The following MECOM variants were observed in gnomAD, a reference collection of about 807,000 sequenced individuals.
MECOM encodes the protein MDS1 and EVI1 complex locus.
In MECOM, 13 loss-of-function variants were observed where a neutral mutation model predicts 116.3. That is an observed-to-expected ratio of 0.11 (90% CI 0.07 to 0.18). The LOEUF is 0.18. MECOM is among the 10% of genes least tolerant of loss of function. The probability of loss-of-function intolerance (pLI) is 1.00; values close to 1 mark genes in which losing one functional copy is unlikely to be tolerated. For missense variants in MECOM, 1,299 were observed against 1,509.0 expected (o/e 0.86, Z 2.31); for synonymous variants, 528 against 535.2 (o/e 0.99, Z 0.19).
chr3:169,550,706 A>G (rs1398993528), intron 1 of MECOM, among the ~76,000 whole-genome samples: 2 of 152,206 alleles, frequency 1.3e-5, no homozygotes, highest in African/African-American at 4.8e-5. Context: ...TTTTATGATT[A>G]CCTAGACCCC....
intron 1 of MECOM, among the ~76,000 whole-genome samples, chr3:169,449,130 A>T (rs1015949865): frequency 6.6e-6 from 1 of 152,286 alleles, no homozygotes; most frequent in Non-Finnish European, 1.5e-5. Context: ...ATGGAGCACA[A>T]ATGAAGCATA....
At chr3:169,516,741 T>C (rs16853935) in intron 1 of MECOM, among the ~76,000 whole-genome samples, 17,423 of 152,172 alleles carry the variant, frequency 0.11, 1,076 homozygotes, top group African/African-American at 0.12. Context: ...AATAGTTTTA[T>C]CTGTGTTTCC....
Position 169,240,404 on chromosome 3 carries a change from A to G in MECOM, c.376-96572T>C, listed in dbSNP as rs558513515. Among the ~76,000 whole-genome samples the G allele has an allele frequency of 1.7e-3, 258 of 152,320 alleles. 2 individuals are homozygous for G. The highest frequency in any genetic ancestry group is 6.0e-3 in the African/African-American group (248 of 41,574). ...AAATTCATTTGATGGAACTTTTTAT[A>G]GACTGTGTTTTTGAATTCATGATTA... On this transcript the variant is annotated intron_variant, in intron 2 of 16. Transcript: ENST00000651503.
At chr3:169,163,628 C>T (rs1743159393) in intron 2 of MECOM, among the ~76,000 whole-genome samples, 1 of 152,012 alleles carries the variant, frequency 6.6e-6, no homozygotes, top group South Asian at 2.1e-4. Context: ...CCAAAGTCAC[C>T]CAACTGGTAG....
At chr3:169,313,696 T>A (rs1329808297) in intron 2 of MECOM, among the ~76,000 whole-genome samples, 1 of 152,182 alleles carries the variant, frequency 6.6e-6, no homozygotes, top group Non-Finnish European at 1.5e-5. Flanking sequence ...TATTATCAGC[T>A]GACAGTGAAG....
At chr3:169,482,917 A>G (rs1293712376) in intron 1 of MECOM, among the ~76,000 whole-genome samples, 1 of 152,218 alleles carries the variant, frequency 6.6e-6, no homozygotes. Context: ...AAAAGTACAT[A>G]ACAATACATA....
chr3:169,557,895 G>A (rs553407703), intron 1 of MECOM, among the ~76,000 whole-genome samples: 3 of 152,258 alleles, frequency 2.0e-5, no homozygotes, highest in African/African-American at 2.4e-5. Flanking sequence ...AACTAGAAAG[G>A]CTTTCAATTA....
intron 1 of MECOM, among the ~76,000 whole-genome samples, chr3:169,417,263 A>G (rs1216899688): frequency 1.3e-5 from 2 of 149,774 alleles, no homozygotes; most frequent in African/African-American, 4.9e-5. Flanking sequence ...ATTTACAAGA[A>G]AAAAACAAAC....
chr3:169,500,002 T>C (rs1754340474), intron 1 of MECOM, among the ~76,000 whole-genome samples: 1 of 152,218 alleles, frequency 6.6e-6, no homozygotes, highest in South Asian at 2.1e-4. Flanking sequence ...TCTTGCTTTA[T>C]AGTCACTTAT....
chr3:169,342,658 T>C (rs993136921), intron 2 of MECOM, among the ~76,000 whole-genome samples: 2 of 152,204 alleles, frequency 1.3e-5, no homozygotes, highest in Admixed American at 6.5e-5. Context: ...TTTCCTCTAA[T>C]AATTGTTGCT....
At position 169,483,350 on chromosome 3, in the gene MECOM, T is replaced by A. The variant is rs541024861; in HGVS notation, c.38-101826A>T. ...CATTGAGAAAAGCAACAGATACAACTGACAGTCACACTTTTTAAAATCAAA... is the reference window on the plus strand; with the variant it reads ...CATTGAGAAAAGCAACAGATACAACAGACAGTCACACTTTTTAAAATCAAA... On this transcript the variant is annotated intron_variant, in intron 1 of 16. Transcript: ENST00000651503. Among the ~76,000 whole-genome samples, 19 of 151,274 alleles carry A rather than the reference T, an allele frequency of 1.3e-4. 1 individual carries two copies. Among genetic ancestry groups the A allele is most frequent in the African/African-American group, 4.6e-4 (19 of 41,198 alleles).
chr3:169,604,226 T>C (rs1481108640), intron 1 of MECOM, among the ~76,000 whole-genome samples: 1 of 149,834 alleles, frequency 6.7e-6, no homozygotes, highest in Admixed American at 6.6e-5. Flanking sequence ...GAGAAATCTC[T>C]CTCTCTCTCT....
chr3:169,204,230 T>C (rs1291152385), intron 2 of MECOM, among the ~76,000 whole-genome samples: 1 of 152,208 alleles, frequency 6.6e-6, no homozygotes. Context: ...AACAATTCTG[T>C]CTTTATGTTT....
chr3:169,545,273 T>A (rs778987052), intron 1 of MECOM, among the ~76,000 whole-genome samples: 19 of 152,298 alleles, frequency 1.2e-4, no homozygotes, highest in Admixed American at 7.2e-4. Context: ...CTCTGCTACA[T>A]GGCTTAGATT....
intron 2 of MECOM, among the ~76,000 whole-genome samples, chr3:169,182,599 A>T (rs1056369248): frequency 2.0e-5 from 3 of 152,216 alleles, no homozygotes; most frequent in African/African-American, 7.2e-5. Flanking sequence ...GATTAAGCAC[A>T]TGTGCCAAAG....
At chr3:169,097,203 C>T (rs970928445) in intron 12 of MECOM, among the ~76,000 whole-genome samples, 1 of 152,046 alleles carries the variant, frequency 6.6e-6, no homozygotes, top group Non-Finnish European at 1.5e-5. Context: ...ATGTTTCTGC[C>T]ATGCTTCTAA....
At chr3:169,306,210 G>T (rs1252737136) in intron 2 of MECOM, among the ~76,000 whole-genome samples, 1 of 151,962 alleles carries the variant, frequency 6.6e-6, no homozygotes, top group Non-Finnish European at 1.5e-5. Flanking sequence ...TGAATATTAT[G>T]CAATAAGTTC....
intron 1 of MECOM, among the ~76,000 whole-genome samples, chr3:169,583,433 G>A: frequency 6.6e-6 from 1 of 152,012 alleles, no homozygotes; most frequent in Non-Finnish European, 1.5e-5. Flanking sequence ...CTAACAAAGT[G>A]AAACATGTTG....
At chr3:169,252,649 A>G (rs2149587528) in intron 2 of MECOM, among the ~76,000 whole-genome samples, 1 of 152,270 alleles carries the variant, frequency 6.6e-6, no homozygotes, top group South Asian at 2.1e-4. Flanking sequence ...TTTTACTGGG[A>G]AATCTGACAC....
Sources: allele counts gnomAD v4.1 joint callset (sites outside exome capture counted in the v4.1 genomes callset), GRCh38; gene constraint gnomAD v4.1.1; transcripts MANE v1.5; gene names NCBI Gene and HGNC (gene_info 2026-07-23, HGNC 2026-07-21).